RANBP2: variants seen among roughly 807,000 people sequenced by gnomAD.
The protein encoded by RANBP2 is RAN binding protein 2, also known as E3 SUMO-protein ligase RanBP2.
RANBP2 carries 57 observed loss-of-function variants against 303.6 expected under a neutral mutation model. The ratio of observed to expected loss-of-function variants is 0.19; its 90% CI spans 0.15 to 0.23. The LOEUF (loss-of-function observed/expected upper bound fraction) is 0.23. Among genes scored for constraint, RANBP2 ranks in the 10% least tolerant of loss-of-function variants. The pLI, the probability that RANBP2 is intolerant of heterozygous loss-of-function variation, is 1.00. For synonymous variants in RANBP2, 1,167 were observed against 1,301.5 expected, an observed-to-expected ratio of 0.90 and a Z score of 2.23; for missense variants, 3,138 against 3,780.8, an observed-to-expected ratio of 0.83 and a Z score of 4.46.
At chr2:108,909,851 C>T in the RANBP2 span, among the ~76,000 whole-genome samples, 1 of 152,238 alleles carries the variant, frequency 6.6e-6, no homozygotes, top group Non-Finnish European at 1.5e-5. Context: ...CATGTGGCTC[C>T]TTGGGAGCCT....
chr2:109,486,878 G>T, the RANBP2 span, among the ~76,000 whole-genome samples: 1 of 152,192 alleles, frequency 6.6e-6, no homozygotes, highest in Non-Finnish European at 1.5e-5. Flanking sequence ...TCCCGCCCAG[G>T]CCAGGATGTT....
At chr2:109,423,998 TGGGCCGCTGCA>T in the RANBP2 span, among the ~76,000 whole-genome samples, 2 of 152,196 alleles carry the variant, frequency 1.3e-5, no homozygotes, top group African/African-American at 4.8e-5. Context: ...CGGAGACGTC[TGGGCCGCTGCA>T]GGGCCGGTTG....
the RANBP2 span, among the ~76,000 whole-genome samples, chr2:109,213,257 A>G: frequency 6.6e-6 from 1 of 152,190 alleles, no homozygotes. Flanking sequence ...TACTCAGGAC[A>G]TGGCTCTTCC....
chr2:109,196,364 G>A, the RANBP2 span, among the ~76,000 whole-genome samples: 2 of 152,184 alleles, frequency 1.3e-5, no homozygotes, highest in South Asian at 2.1e-4. Flanking sequence ...GGCCTGGCTC[G>A]GTCCTACCAC....
chr2:109,607,285 T>C, the RANBP2 span, among the ~76,000 whole-genome samples: 1 of 152,188 alleles, frequency 6.6e-6, no homozygotes, highest in African/African-American at 2.4e-5. Flanking sequence ...CTGAGTAAGT[T>C]CTTGAATGCC....
chr2:108,920,128 A>AAGTGCAG, the RANBP2 span, among the ~76,000 whole-genome samples: 1 of 152,300 alleles, frequency 6.6e-6, no homozygotes, highest in Middle Eastern at 3.4e-3. Flanking sequence ...TCAGTGAGGG[A>AAGTGCAG]AGTGCAGGCC....
the RANBP2 span, chr2:109,501,464 TTGTC>T: frequency 6.6e-6 from 5 of 754,820 alleles, no homozygotes; most frequent in African/African-American, 5.1e-5. Context: ...CAGATGGAGA[TTGTC>T]TGTGTGGGGC....
chr2:109,335,319 C>T, the RANBP2 span, among the ~76,000 whole-genome samples: 1 of 152,226 alleles, frequency 6.6e-6, no homozygotes, highest in Non-Finnish European at 1.5e-5. Flanking sequence ...TCTCCCTATG[C>T]CTCAAGTTTC....
the RANBP2 span, chr2:108,930,326 A>G: frequency 6.3e-7 from 1 of 1,581,374 alleles, no homozygotes; most frequent in Non-Finnish European, 8.7e-7. Context: ...TTGACATAGG[A>G]AGGGGGTGCC....
the RANBP2 span, among the ~76,000 whole-genome samples, chr2:109,664,898 C>A: frequency 6.6e-6 from 1 of 151,672 alleles, no homozygotes; most frequent in Non-Finnish European, 1.5e-5. Context: ...CTATTCCACT[C>A]CAGACTGGGC....
the RANBP2 span, among the ~76,000 whole-genome samples, chr2:109,290,957 G>A: frequency 2.3e-3 from 358 of 152,354 alleles, 1 homozygote; most frequent in African/African-American, 8.2e-3. Context: ...TGGGGTGCCC[G>A]GCAATATGCC....
At chr2:109,107,049 T>C in the RANBP2 span, among the ~76,000 whole-genome samples, 1 of 151,276 alleles carries the variant, frequency 6.6e-6, no homozygotes, top group African/African-American at 2.4e-5. Flanking sequence ...GCGATTCTTC[T>C]GCATCAGCCT....
chr2:109,384,077 G>T, the RANBP2 span, among the ~76,000 whole-genome samples: 2 of 152,188 alleles, frequency 1.3e-5, no homozygotes, highest in Non-Finnish European at 2.9e-5. Flanking sequence ...GGTTTCTGTT[G>T]GTGGCTTAGC....
At chr2:109,178,279 T>C in the RANBP2 span, among the ~76,000 whole-genome samples, 4 of 152,256 alleles carry the variant, frequency 2.6e-5, no homozygotes, top group Admixed American at 2.6e-4. Context: ...TCTGCCTCTT[T>C]GCTTTAATTT....
In RANBP2 at chr2:108,776,062, C is replaced by G. The variant is rs1484874340; in HGVS notation, c.8497+126C>G. Reference sequence around the variant, plus strand: ...CATTTTGATATGTATAAAGGGGCATCTTAGTAGTAGTAGTAATAATAACCA... The same window carrying G: ...CATTTTGATATGTATAAAGGGGCATGTTAGTAGTAGTAGTAATAATAACCA... On this transcript the variant is annotated intron_variant, in intron 24 of 28. Transcript: ENST00000283195. 5 of 729,828 alleles carry G rather than the reference C, an allele frequency of 6.9e-6. 1 individual carries two copies. In the East Asian group the frequency reaches 8.1e-5, roughly 12 times the overall value. The allele number at this position is 729,828 out of a possible 1,614,324, so 45.2% of individuals were successfully genotyped here. A position where few individuals can be genotyped will look rare whatever the true frequency, so the allele number is the denominator to read the frequency against.
At chr2:109,557,700 C>CAAA in the RANBP2 span, among the ~76,000 whole-genome samples, 1 of 152,116 alleles carries the variant, frequency 6.6e-6, no homozygotes, top group Non-Finnish European at 1.5e-5. Flanking sequence ...TAAAGAAAGT[C>CAAA]AGATCTGAAA....
At chr2:109,529,418 G>A in the RANBP2 span, among the ~76,000 whole-genome samples, 1 of 152,194 alleles carries the variant, frequency 6.6e-6, no homozygotes, top group African/African-American at 2.4e-5. Context: ...GAGAGCCGGG[G>A]AGGCCGGAGG....
chr2:108,848,451 A>G, the RANBP2 span, among the ~76,000 whole-genome samples: 1 of 152,216 alleles, frequency 6.6e-6, no homozygotes. Flanking sequence ...AACAGGGCAT[A>G]AGAATATGGA....
the RANBP2 span, among the ~76,000 whole-genome samples, chr2:109,313,317 G>A: frequency 6.6e-6 from 1 of 152,214 alleles, no homozygotes; most frequent in African/African-American, 2.4e-5. Flanking sequence ...GGGGAGGCTG[G>A]CATCTGTGTT....
Sources: allele counts gnomAD v4.1 joint callset (sites outside exome capture counted in the v4.1 genomes callset), GRCh38; gene constraint gnomAD v4.1.1; transcripts MANE v1.5; gene names NCBI Gene and HGNC (gene_info 2026-07-23, HGNC 2026-07-21).